The following CDKN2AIP variants were observed in gnomAD, a reference collection of about 807,000 sequenced individuals.
CDKN2AIP encodes the protein CDKN2A-interacting protein.
CDKN2AIP carries 12 observed loss-of-function variants against 44.1 expected under a neutral mutation model. The ratio of observed to expected loss-of-function variants is 0.27; its 90% confidence interval spans 0.17 to 0.44. CDKN2AIP has a LOEUF of 0.44. CDKN2AIP is among the 20% of genes least tolerant of loss of function. CDKN2AIP has a pLI of 1.00. For synonymous variants in CDKN2AIP, 291 were observed against 272.1 expected, an observed-to-expected ratio of 1.07 and a Z score of -0.68; for missense variants, 705 against 681.6, an observed-to-expected ratio of 1.03 and a Z score of -0.38.
At position 183,446,878 on chromosome 4, in the gene CDKN2AIP, T is replaced by A; in HGVS notation, c.1194T>A (p.Ser398=). Residue 398 remains serine (S), a synonymous_variant, in exon 3 of 3, where the codon TCT becomes TCA. Coordinates refer to ENST00000504169, the MANE Select transcript of CDKN2AIP (RefSeq NM_017632.4). Reference sequence around the variant, plus strand: ...TAGCAAGTGTGTCCCAGTTGGCTTCTAAGAGTAGTTCTCAGACTAGCACCT... The same window carrying A: ...TAGCAAGTGTGTCCCAGTTGGCTTCAAAGAGTAGTTCTCAGACTAGCACCT... ...TSLASVSQLA[S]KSSSQTSTSQ... is the part of the protein sequence containing the mutation. 6.2e-7 allele frequency: 1 copy of A among 1,614,204 alleles called. No individual in the cohort carries two copies. Among genetic ancestry groups the A allele is most frequent in the Non-Finnish European group, 8.5e-7 (1 of 1,180,020 alleles).
intron 1 of CDKN2AIP, 134 bp from the exon 2 acceptor site, chr4:183,445,401 C>A: frequency 1.4e-6 from 1 of 724,708 alleles, no homozygotes; most frequent in Non-Finnish European, 2.3e-6. Context: ...TTATGGGGTT[C>A]CAGGAAACAG....
Position 183,447,756 on chromosome 4 carries a change from T to C in CDKN2AIP, c.*329T>C, listed in dbSNP as rs1347544151. On this transcript the variant is annotated 3_prime_UTR_variant, in exon 3 of 3. Coordinates refer to ENST00000504169, the MANE Select transcript of CDKN2AIP (RefSeq NM_017632.4). ...TGTACTACTTTCAATTTGGTGAAAA[T>C]GTATTAAGTTGTCTACCATGTTTTC... 1.1e-5 allele frequency: 2 copies of C among 174,900 alleles called. No homozygotes were observed. Among genetic ancestry groups the C allele is most frequent in the East Asian group, 1.5e-4 (1 of 6,834 alleles). 10.8% of individuals were successfully genotyped at this position (174,900 alleles called of 1,614,324 possible).
chr4:183,445,426 T>G (rs1579139661), intron 1 of CDKN2AIP, 109 bp from the exon 2 acceptor site: 2 of 890,730 alleles, frequency 2.2e-6, no homozygotes, highest in Admixed American at 4.7e-5. Flanking sequence ...TGGCGGTTGG[T>G]TCACTTTCTT....
Position 183,445,526 on chromosome 4 carries a change from C to T in CDKN2AIP, c.273-9C>T, listed in dbSNP as rs765236634. On this transcript the variant is annotated splice_polypyrimidine_tract_variant and intron_variant, in intron 1 of 2. Coordinates refer to ENST00000504169, the MANE Select transcript of CDKN2AIP (RefSeq NM_017632.4). ...CACTTTTTAAAAATGACTTTTCCTTCTTTTTCAGATACCCTCAAAAAGTTA... is the reference window on the plus strand; with the variant it reads ...CACTTTTTAAAAATGACTTTTCCTTTTTTTTCAGATACCCTCAAAAAGTTA... 3.7e-6 allele frequency: 6 copies of T among 1,607,694 alleles called. No homozygotes were observed. The highest frequency in any genetic ancestry group is 2.2e-5 in the East Asian group (1 of 44,848).
rs143545447 is a variant in CDKN2AIP at position 183,446,169 on chromosome 4, C to G, written c.485C>G (p.Ser162Cys). 264 of 1,614,156 alleles carry G rather than the reference C, an allele frequency of 1.6e-4. 3 individuals carry two copies. In the South Asian group the frequency reaches 2.3e-3, roughly 14 times the overall value. The change falls in exon 3 of 3, where the codon TCT (serine) becomes TGT (cysteine). Residue 162 changes from serine (S) to cysteine (C), a missense_variant. Physicochemically the swap from Ser to Cys is moderately radical, Grantham distance 112. Around this residue, in one of 2 missense-constraint regions of CDKN2AIP, gnomAD observed 592 missense variants for 518.0 expected, o/e 1.14. Transcript: ENST00000504169. ...GTTGAGCAAGATCACGCAAAAACCT[C>G]TGCCAAGACAGAACGTGCATCAGCT... is the stretch of plus-strand genomic sequence containing the variant. The part of the protein sequence containing the change: ...SAVEQDHAKT[S>C]AKTERASAQQ...
rs1733668582 is a variant in CDKN2AIP at position 183,446,256 on chromosome 4, C to T, written c.572C>T (p.Ala191Val). The T allele has an allele frequency of 6.2e-7, 1 of 1,613,948 alleles. No individual in the cohort carries two copies. Among genetic ancestry groups the T allele is most frequent in the Non-Finnish European group, 8.5e-7 (1 of 1,179,804 alleles). The change falls in exon 3 of 3, where the codon GCT becomes GTT. Residue 191 changes from alanine (A) to valine (V), a missense_variant. This residue lies in a region of CDKN2AIP where 592 missense variants were observed against 518.0 expected (regional missense o/e 1.14). Transcript: ENST00000504169. ...SAIKSESGNS[A>V]RSSGISSQNS... ...ATCAAATCAGAGAGTGGGAACTCAG[C>T]TCGGAGCTCTGGCATCTCCAGTCAG... is the stretch of plus-strand genomic sequence containing the variant.
rs1318396644 is a variant in CDKN2AIP, at chr4:183,444,762, C to T, written c.-36C>T. 7 of 1,484,246 alleles carry T rather than the reference C, an allele frequency of 4.7e-6. No homozygotes were observed. The South Asian group carries it at 5.3e-5, about 11-fold the overall frequency. 91.9% of individuals were successfully genotyped at this position (1,484,246 alleles called of 1,614,324 possible). ...CTCGCCCCGCTAGTCCTGCCTGTCT[C>T]CCGGTGCAGCTGTGTTCGCGGCCTG... On this transcript the variant is annotated 5_prime_UTR_variant, in exon 1 of 3. Transcript: ENST00000504169.
chr4:183,446,645 T>C lies in CDKN2AIP; in HGVS notation c.961T>C (p.Ser321Pro), dbSNP rs1475874574. Residue 321 changes from serine (S) to proline (P), a missense_variant, in exon 3 of 3, where the codon TCC (serine) becomes CCC (proline). Transcript: ENST00000504169. ...SSETASSGLT[S>P]KTSSEASVSS... The stretch of plus-strand genomic sequence containing the variant: ...AGAGACAGCTTCAAGTGGGTTAACT[T>C]CCAAAACTAGTTCAGAGGCAAGTGT... 1.6e-5 allele frequency: 26 copies of C among 1,613,950 alleles called. No individual in the cohort carries two copies. Among genetic ancestry groups the C allele is most frequent in the Non-Finnish European group, 1.9e-5 (23 of 1,179,948 alleles).
chr4:183,448,546 T>C lies in CDKN2AIP; in HGVS notation c.*1119T>C, dbSNP rs1170745479. Among the ~76,000 whole-genome samples, 1 of 152,202 alleles carries C rather than the reference T, an allele frequency of 6.6e-6. No individual in the cohort carries two copies. Among genetic ancestry groups the C allele is most frequent in the Non-Finnish European group, 1.5e-5 (1 of 68,020 alleles). The stretch of plus-strand genomic sequence containing the variant: ...TGCCTGTTTGTCTGTCATTGTATAT[T>C]CTGTTTACTTTGCTTCAAACTGGCC... On this transcript the variant is annotated 3_prime_UTR_variant, in exon 3 of 3. Coordinates refer to ENST00000504169, the MANE Select transcript of CDKN2AIP (RefSeq NM_017632.4).
chr4:183,446,027 C>G, intron 2 of CDKN2AIP, 61 bp from the exon 3 acceptor site: 1 of 1,330,128 alleles, frequency 7.5e-7, no homozygotes, highest in Non-Finnish European at 1.0e-6. Flanking sequence ...GTGTATTTGT[C>G]TCATCACCCG....
At position 183,445,077 on chromosome 4, in the gene CDKN2AIP, A is replaced by T; in HGVS notation, c.272+8A>T. 1 of 1,576,018 alleles carries T rather than the reference A, an allele frequency of 6.3e-7. No individual in the cohort carries two copies. The highest frequency in any genetic ancestry group is 1.1e-5 in the South Asian group (1 of 88,300). On this transcript the variant is annotated splice_region_variant and intron_variant, in intron 1 of 2. Transcript: ENST00000504169. Reference sequence around the variant, plus strand: ...CGTCTTCCTCGGGTGCCGGTGAGTGAGGCAGCGTCCCTAACCAGCACGCCT... The same window carrying T: ...CGTCTTCCTCGGGTGCCGGTGAGTGTGGCAGCGTCCCTAACCAGCACGCCT...
chr4:183,446,147 G>A lies in CDKN2AIP; in HGVS notation c.463G>A (p.Glu155Lys), dbSNP rs1401252821. 6.2e-7 allele frequency: 1 copy of A among 1,613,966 alleles called. No homozygotes were observed. Residue 155 changes from glutamate to lysine, a missense_variant, in exon 3 of 3, where the codon GAG (glutamate) becomes AAG (lysine). This residue lies in a region of CDKN2AIP where 592 missense variants were observed against 518.0 expected (regional missense o/e 1.14). Transcript: ENST00000504169. Reference protein sequence around the residue: ...VIEGKNSSAVEQDHAKTSAKT... With the variant: ...VIEGKNSSAVKQDHAKTSAKT... Reference sequence around the variant, plus strand: ...AGAAGGAAAAAACAGTTCTGCAGTTGAGCAAGATCACGCAAAAACCTCTGC... The same window carrying A: ...AGAAGGAAAAAACAGTTCTGCAGTTAAGCAAGATCACGCAAAAACCTCTGC...
At chr4:183,445,133 C>T (rs1733638533) in intron 1 of CDKN2AIP, 64 bp downstream of exon 1, 3 of 1,505,630 alleles carry the variant, frequency 2.0e-6, no homozygotes, top group Non-Finnish European at 2.7e-6. Flanking sequence ...GACCGGGGCC[C>T]GGCGCCCTCC....
chr4:183,445,123 G>T, intron 1 of CDKN2AIP, 54 bp downstream of exon 1: 1 of 1,519,782 alleles, frequency 6.6e-7, no homozygotes, highest in Non-Finnish European at 8.8e-7. Context: ...GCCACCTGCA[G>T]ACCGGGGCCC....
chr4:183,444,666 T>C lies in CDKN2AIP; in HGVS notation c.-132T>C. 1.2e-6 allele frequency: 1 copy of C among 858,818 alleles called. No individual in the cohort carries two copies. Among genetic ancestry groups the C allele is most frequent in the Non-Finnish European group, 1.7e-6 (1 of 599,042 alleles). 53.2% of individuals were successfully genotyped at this position (858,818 alleles called of 1,614,324 possible). A position where few individuals can be genotyped will look rare whatever the true frequency, so the allele number is the denominator to read the frequency against. Reference sequence around the variant, plus strand: ...GCGGTTCGGCGGCTCTGGGCGCTGTTGTTTGGTCTTTAGGCCTGCGGAGGG... The same window carrying C: ...GCGGTTCGGCGGCTCTGGGCGCTGTCGTTTGGTCTTTAGGCCTGCGGAGGG... On this transcript the variant is annotated 5_prime_UTR_variant, in exon 1 of 3. Transcript: ENST00000504169.
chr4:183,447,455 A>G lies in CDKN2AIP; in HGVS notation c.*28A>G, dbSNP rs1433265936. The stretch of plus-strand genomic sequence containing the variant: ...TGTCCAAAATATCACTGCATACAAT[A>G]TCTGGTATTTGAAGAGAAAAACTGA... On this transcript the variant is annotated 3_prime_UTR_variant, in exon 3 of 3. Coordinates refer to ENST00000504169, the MANE Select transcript of CDKN2AIP (RefSeq NM_017632.4). The G allele has an allele frequency of 8.2e-6, 12 of 1,458,254 alleles. No homozygotes were observed. Among genetic ancestry groups the G allele is most frequent in the Non-Finnish European group, 1.1e-5 (12 of 1,090,800 alleles). The allele number at this position is 1,458,254 out of a possible 1,614,324, so 90.3% of individuals were successfully genotyped here. A position where few individuals can be genotyped will look rare whatever the true frequency, so the allele number is the denominator to read the frequency against.
rs1277219855 is a variant in CDKN2AIP, at chr4:183,446,175, A to G, written c.491A>G (p.Lys164Arg). 1 of 1,614,178 alleles carries G rather than the reference A, an allele frequency of 6.2e-7. No homozygotes were observed. The highest frequency in any genetic ancestry group is 1.1e-5 in the South Asian group (1 of 91,090). The change falls in exon 3 of 3, where the codon AAG (lysine) becomes AGG (arginine). Residue 164 changes from lysine (K) to arginine (R), a missense_variant. Physicochemically the swap from Lys to Arg is conservative, Grantham distance 26. Transcript: ENST00000504169. ...CAAGATCACGCAAAAACCTCTGCCA[A>G]GACAGAACGTGCATCAGCTCAGCAG... Reference protein sequence around the residue: ...VEQDHAKTSAKTERASAQQEN... With the variant: ...VEQDHAKTSARTERASAQQEN...
Position 183,446,889 on chromosome 4 carries a change from C to A in CDKN2AIP, c.1205C>A (p.Ser402Tyr). The change falls in exon 3 of 3, where the codon TCT (serine) becomes TAT (tyrosine). Residue 402 changes from serine (S) to tyrosine (Y), a missense_variant. Coordinates refer to ENST00000504169, the MANE Select transcript of CDKN2AIP (RefSeq NM_017632.4). ...TCCCAGTTGGCTTCTAAGAGTAGTT[C>A]TCAGACTAGCACCTCACAGTTGCCT... Reference protein sequence around the residue: ...SVSQLASKSSSQTSTSQLPSK... With the variant: ...SVSQLASKSSYQTSTSQLPSK... 1.2e-6 allele frequency: 2 copies of A among 1,614,116 alleles called. No individual in the cohort carries two copies. Among genetic ancestry groups the A allele is most frequent in the Non-Finnish European group, 1.7e-6 (2 of 1,179,980 alleles).
At position 183,445,954 on chromosome 4, in the gene CDKN2AIP, C is replaced by G. The variant is rs888270965; in HGVS notation, c.404-134C>G. ...CAACACTGTTTTAAGAAATTAATGA[C>G]TCCACACTTTTTAAAGAAACGATTA... is the stretch of plus-strand genomic sequence containing the variant. On this transcript the variant is annotated intron_variant, in intron 2 of 2. Transcript: ENST00000504169. 3.9e-6 allele frequency: 3 copies of G among 760,012 alleles called. No homozygotes were observed. In the African/African-American group the frequency reaches 5.3e-5, roughly 13 times the overall value. 47.1% of individuals were successfully genotyped at this position (760,012 alleles called of 1,614,324 possible). A position where few individuals can be genotyped will look rare whatever the true frequency, so the allele number is the denominator to read the frequency against.
Sources: allele counts gnomAD v4.1 joint callset (sites outside exome capture counted in the v4.1 genomes callset), GRCh38; gene constraint gnomAD v4.1.1; regional missense constraint gnomAD v4.1.1; transcripts MANE v1.5; gene names NCBI Gene and HGNC (gene_info 2026-07-23, HGNC 2026-07-21).